MAN1C1: variants seen among roughly 807,000 people sequenced by gnomAD.
MAN1C1 encodes mannosidase alpha class 1C member 1.
Under a neutral mutation model 71.5 loss-of-function variants are expected in MAN1C1, and 49 were observed. That is an observed-to-expected ratio of 0.69 (90% CI 0.54 to 0.87). The LOEUF (loss-of-function observed/expected upper bound fraction) is 0.87. Among genes scored for constraint, MAN1C1 ranks in the 40% least tolerant of loss-of-function variants. The pLI, the probability that MAN1C1 is intolerant of heterozygous loss-of-function variation, is 0.00. For synonymous variants in MAN1C1, 352 were observed against 343.7 expected, an observed-to-expected ratio of 1.02 and a Z score of -0.27; for missense variants, 743 against 835.0, an observed-to-expected ratio of 0.89 and a Z score of 1.36.
rs1243989735 is a variant in MAN1C1, at chr1:25,746,119, A to T, written c.638-549A>T. Among the ~76,000 whole-genome samples, 1 of 152,166 alleles carries T rather than the reference A, an allele frequency of 6.6e-6. No homozygotes were observed. Among genetic ancestry groups the T allele is most frequent in the Non-Finnish European group, 1.5e-5 (1 of 68,040 alleles). ...CAGGAGTTCAAGACCAGCCTGGCCA[A>T]CATGGTGAAACCCCATCTCTACTAA... is the stretch of plus-strand genomic sequence containing the variant. On this transcript the variant is annotated intron_variant, in intron 2 of 11. Transcript: ENST00000374332. The surrounding 1 kb of genome is among the most constrained non-coding windows in gnomAD (Gnocchi z 4.0).
At chr1:25,679,972 TATATATACAC>T (rs1287532586) in intron 1 of MAN1C1, among the ~76,000 whole-genome samples, 2 of 136,718 alleles carry the variant, frequency 1.5e-5, no homozygotes, top group East Asian at 4.0e-4. Flanking sequence ...TATATATATA[TATATATACAC>T]ACACACACAC....
chr1:25,764,980 G>A lies in MAN1C1; in HGVS notation c.1141+1013G>A, dbSNP rs1289317651. On this transcript the variant is annotated intron_variant, in intron 7 of 11. Coordinates refer to ENST00000374332, the MANE Select transcript of MAN1C1 (RefSeq NM_020379.4). The surrounding 1 kb of genome is among the most constrained non-coding windows in gnomAD (Gnocchi z 4.4). Reference sequence around the variant, plus strand: ...GGAGAATCGCTTGAACCCGGGAGGCGGAGGTTGCAGTGAGCCAAGACCGCA... The same window carrying A: ...GGAGAATCGCTTGAACCCGGGAGGCAGAGGTTGCAGTGAGCCAAGACCGCA... Among the ~76,000 whole-genome samples, 2 of 151,976 alleles carry A rather than the reference G, an allele frequency of 1.3e-5. No homozygotes were observed. Among genetic ancestry groups the A allele is most frequent in the South Asian group, 2.1e-4 (1 of 4,818 alleles).
rs754481813 is a variant in MAN1C1, at chr1:25,782,620, C to T, written c.1686C>T (p.Phe562=). 1 of 1,614,160 alleles carries T rather than the reference C, an allele frequency of 6.2e-7. No homozygotes were observed. The highest frequency in any genetic ancestry group is 2.2e-5 in the East Asian group (1 of 44,876). The change falls in exon 11 of 12, where the codon TTC becomes TTT. Residue 562 remains phenylalanine (F), a synonymous_variant. Coordinates refer to ENST00000374332, the MANE Select transcript of MAN1C1 (RefSeq NM_020379.4). The surrounding 1 kb of genome is among the most constrained non-coding windows in gnomAD (Gnocchi z 4.4). The part of the protein sequence containing the change: ...LEKYCRTEAG[F]SGIQDVYSST... The stretch of plus-strand genomic sequence containing the variant: ...AATACTGTCGGACAGAAGCCGGTTT[C>T]TCTGGGATCCAAGACGTGTACAGTA...
chr1:25,746,854 T>A lies in MAN1C1; in HGVS notation c.753+71T>A, dbSNP rs1471690556. ...AGGCCCAACAGCCAGCTTCACCCTGTCATCTCTGAGACCCAGAGATGTTGA... is the reference window on the plus strand; with the variant it reads ...AGGCCCAACAGCCAGCTTCACCCTGACATCTCTGAGACCCAGAGATGTTGA... On this transcript the variant is annotated intron_variant, in intron 3 of 11. Transcript: ENST00000374332. This position sits in a 1 kb window ranked among gnomAD's most constrained non-coding sequence, Gnocchi z 4.0. 9.6e-7 allele frequency: 1 copy of A among 1,045,546 alleles called. No individual in the cohort carries two copies. Among genetic ancestry groups the A allele is most frequent in the East Asian group, 2.5e-5 (1 of 39,440 alleles). The allele number at this position is 1,045,546 out of a possible 1,614,324, so 64.8% of individuals were successfully genotyped here.
intron 2 of MAN1C1, among the ~76,000 whole-genome samples, chr1:25,716,526 C>T (rs1402187388): frequency 2.0e-5 from 3 of 152,228 alleles, no homozygotes; most frequent in East Asian, 1.9e-4. Context: ...AGGATTCTGC[C>T]GTGTTGCCCA....
rs1424366155 is a variant in MAN1C1, at chr1:25,782,920, G to A, written c.1766+220G>A. 6.6e-6 allele frequency among the ~76,000 whole-genome samples: 1 copy of A among 152,200 alleles called. No individual in the cohort carries two copies. The highest frequency in any genetic ancestry group is 1.9e-4 in the East Asian group (1 of 5,188). On this transcript the variant is annotated intron_variant, in intron 11 of 11. Transcript: ENST00000374332. The surrounding 1 kb of genome is among the most constrained non-coding windows in gnomAD (Gnocchi z 4.4). ...GCTAGAATCCAAGTTCCCTAGGGACGCACCGTGTGATACCGCAGGTTCCTT... is the reference window on the plus strand; with the variant it reads ...GCTAGAATCCAAGTTCCCTAGGGACACACCGTGTGATACCGCAGGTTCCTT...
At chr1:25,739,889 T>C (rs1572186198) in intron 2 of MAN1C1, among the ~76,000 whole-genome samples, 1 of 152,090 alleles carries the variant, frequency 6.6e-6, no homozygotes, top group African/African-American at 2.4e-5. Context: ...CTTTAATGCC[T>C]CCTAGGGTCA....
intron 7 of MAN1C1, among the ~76,000 whole-genome samples, chr1:25,767,753 A>C (rs2047461192): frequency 6.1e-5 from 2 of 32,818 alleles, no homozygotes; most frequent in African/African-American, 4.9e-4. Context: ...ACACACCCAC[A>C]CTCCCCTCAC....
intron 2 of MAN1C1, among the ~76,000 whole-genome samples, chr1:25,728,205 G>C (rs536003236): frequency 8.5e-5 from 13 of 152,300 alleles, no homozygotes; most frequent in African/African-American, 2.9e-4. Flanking sequence ...TTGAGCCCCT[G>C]CTGCGAGCTT....
At chr1:25,675,229 C>A (rs371614951) in intron 1 of MAN1C1, among the ~76,000 whole-genome samples, 113 of 152,264 alleles carry the variant, frequency 7.4e-4, no homozygotes, top group Non-Finnish European at 1.4e-3. Context: ...TATCCCTCAA[C>A]CCCTGCAGTC....
Position 25,729,323 on chromosome 1 carries a change from T to C in MAN1C1, c.638-17345T>C, listed in dbSNP as rs1473732973. ...GTTCCTGCTCATCCTTCCCGATCCA[T>C]CACAGGTCCATGAGGCTTCCTGAGC... On this transcript the variant is annotated intron_variant, in intron 2 of 11. Coordinates refer to ENST00000374332, the MANE Select transcript of MAN1C1 (RefSeq NM_020379.4). 2.6e-5 allele frequency among the ~76,000 whole-genome samples: 4 copies of C among 152,168 alleles called. No homozygotes were observed. The East Asian group carries it at 7.7e-4, about 29-fold the overall frequency.
chr1:25,618,190 C>T lies in MAN1C1; in HGVS notation c.393C>T (p.Ala131=). Residue 131 remains alanine (A), a synonymous_variant, in exon 1 of 12, where the codon GCC becomes GCT. Transcript: ENST00000374332. ...ATAARGNSIP[A]SRPGDEGVPF... ...CGGCCCGGGGCAATAGCATCCCGGC[C>T]TCCAGGCCCGGGGACGAGGGCGTCC... The T allele has an allele frequency of 6.3e-7, 1 of 1,580,192 alleles. No individual in the cohort carries two copies.
intron 2 of MAN1C1, among the ~76,000 whole-genome samples, chr1:25,698,507 G>A (rs551696736): frequency 3.5e-4 from 54 of 152,300 alleles, no homozygotes; most frequent in African/African-American, 1.1e-3. Context: ...AAGTAGCAGG[G>A]AGCAAGACAG....
At chr1:25,657,582 CTG>C (rs1390114984) in intron 1 of MAN1C1, among the ~76,000 whole-genome samples, 2 of 152,232 alleles carry the variant, frequency 1.3e-5, no homozygotes, top group Non-Finnish European at 2.9e-5. Flanking sequence ...TTCACACTCC[CTG>C]TGCTGAGAAT....
intron 1 of MAN1C1, among the ~76,000 whole-genome samples, chr1:25,676,656 A>C (rs572632952): frequency 3.3e-5 from 5 of 152,330 alleles, no homozygotes; most frequent in African/African-American, 1.2e-4. Context: ...AAATGGGGCC[A>C]GGTGTCACTG....
intron 1 of MAN1C1, among the ~76,000 whole-genome samples, chr1:25,641,699 AT>A (rs2124760578): frequency 6.6e-6 from 1 of 152,318 alleles, no homozygotes; most frequent in African/African-American, 2.4e-5. Flanking sequence ...GCCTCGACTT[AT>A]CTCTTTTCTG....
At chr1:25,700,503 G>A (rs757058143) in intron 2 of MAN1C1, among the ~76,000 whole-genome samples, 1 of 152,206 alleles carries the variant, frequency 6.6e-6, no homozygotes, top group East Asian at 1.9e-4. Flanking sequence ...TGGGAGCAGA[G>A]TTGGGCAGAG....
At chr1:25,636,482 C>G (rs973791941) in intron 1 of MAN1C1, among the ~76,000 whole-genome samples, 22 of 152,196 alleles carry the variant, frequency 1.4e-4, no homozygotes, top group African/African-American at 4.8e-4. Context: ...ACTTGCACGT[C>G]TGTTTATAGG....
intron 1 of MAN1C1, among the ~76,000 whole-genome samples, chr1:25,620,472 A>C (rs1278882166): frequency 6.6e-6 from 1 of 152,158 alleles, no homozygotes; most frequent in Non-Finnish European, 1.5e-5. Flanking sequence ...TTAGTTGTTA[A>C]CAGTTACCAT....
Sources: allele counts gnomAD v4.1 joint callset (sites outside exome capture counted in the v4.1 genomes callset), GRCh38; gene constraint gnomAD v4.1.1; non-coding constraint Gnocchi (gnomAD v3.1); transcripts MANE v1.5; gene names NCBI Gene and HGNC (gene_info 2026-07-23, HGNC 2026-07-21).